The following WWOX variants were observed in gnomAD, a reference collection of about 807,000 sequenced individuals.
WWOX encodes WW domain-containing oxidoreductase.
In WWOX, 69 loss-of-function variants were observed where a neutral mutation model predicts 46.2. The ratio of observed to expected loss-of-function variants is 1.49; its 90% CI spans 1.23 to 1.82. The LOEUF is 1.82. Among genes scored for constraint, WWOX ranks in the 40% most tolerant of loss-of-function variants. The pLI, the probability that WWOX is intolerant of heterozygous loss-of-function variation, is 0.00. For missense variants in WWOX, 919 were observed against 542.6 expected (o/e 1.69, Z -6.89); for synonymous variants, 359 against 202.6 (o/e 1.77, Z -6.56).
chr16:78,865,365 A>G (rs1195881910), intron 8 of WWOX, among the ~76,000 whole-genome samples: 1 of 152,190 alleles, frequency 6.6e-6, no homozygotes, highest in Non-Finnish European at 1.5e-5. Flanking sequence ...GAAGTACGTC[A>G]GGTGAAGGGC....
At chr16:78,177,314 C>A (rs985522675) in intron 5 of WWOX, among the ~76,000 whole-genome samples, 2 of 152,108 alleles carry the variant, frequency 1.3e-5, no homozygotes, top group Admixed American at 1.3e-4. Flanking sequence ...CTATTACGTG[C>A]TAGGTGGTAG....
intron 5 of WWOX, among the ~76,000 whole-genome samples, chr16:78,308,859 C>G (rs2080181485): frequency 6.6e-6 from 1 of 152,206 alleles, no homozygotes; most frequent in Non-Finnish European, 1.5e-5. Context: ...AATTGCCAAT[C>G]AGAAGATCCT....
At chr16:78,709,980 C>T (rs1210977442) in intron 8 of WWOX, among the ~76,000 whole-genome samples, 1 of 152,164 alleles carries the variant, frequency 6.6e-6, no homozygotes, top group East Asian at 1.9e-4. Context: ...TTCCACCCTC[C>T]TTGTCCTCCC....
intron 8 of WWOX, among the ~76,000 whole-genome samples, chr16:78,704,134 ATT>A (rs887265042): frequency 1.8e-4 from 26 of 143,028 alleles, no homozygotes; most frequent in Admixed American, 1.4e-4. Flanking sequence ...GCAGGCTGTG[ATT>A]TTTTTTTTTT....
At chr16:78,342,837 G>T (rs12599225) in intron 5 of WWOX, among the ~76,000 whole-genome samples, 27,307 of 119,532 alleles carry the variant, frequency 0.23, 8,776 homozygotes, top group African/African-American at 0.38. Context: ...GGAGTAGCAG[G>T]AGAGCCACAT....
intron 5 of WWOX, chr16:78,265,900 T>G (rs1299866884): frequency 6.6e-6 from 1 of 152,208 alleles, no homozygotes; most frequent in African/African-American, 2.4e-5. Context: ...ACATCCAGTT[T>G]CATTTAATCC....
chr16:79,043,702 G>A (rs1372424936), intron 8 of WWOX, among the ~76,000 whole-genome samples: 2 of 152,204 alleles, frequency 1.3e-5, no homozygotes. Context: ...TATAGACTGG[G>A]CAGAGGAAGA....
rs143933008 is a variant in WWOX at position 78,788,257 on chromosome 16, T to C, written c.1056+355505T>C. Among the ~76,000 whole-genome samples, 6 of 152,366 alleles carry C rather than the reference T, an allele frequency of 3.9e-5. No individual in the cohort carries two copies. In the East Asian group the frequency reaches 9.6e-4, roughly 24 times the overall value. On this transcript the variant is annotated intron_variant, in intron 8 of 8. Coordinates refer to ENST00000566780, the MANE Select transcript of WWOX (RefSeq NM_016373.4). ...ATAAACATTTACTCCTGTGGTGTTA[T>C]GATATATATAGGGTTCCTGGCTCAT...
intron 8 of WWOX, among the ~76,000 whole-genome samples, chr16:78,750,190 C>G (rs935985120): frequency 1.3e-5 from 2 of 152,158 alleles, no homozygotes; most frequent in Non-Finnish European, 2.9e-5. Flanking sequence ...CAGCTGCTGC[C>G]TTATTCAAAA....
chr16:79,006,017 A>G (rs1267045447), intron 8 of WWOX, among the ~76,000 whole-genome samples: 2 of 152,046 alleles, frequency 1.3e-5, no homozygotes, highest in African/African-American at 4.8e-5. Flanking sequence ...ATTTGCGGTC[A>G]CCTCTTATGT....
chr16:78,406,769 G>A (rs1221550149), intron 6 of WWOX, among the ~76,000 whole-genome samples: 1 of 151,918 alleles, frequency 6.6e-6, no homozygotes, highest in Admixed American at 6.6e-5. Flanking sequence ...TGGGATTACA[G>A]TCGTGTGCCA....
intron 5 of WWOX, among the ~76,000 whole-genome samples, chr16:78,252,545 A>C (rs1341843604): frequency 6.6e-6 from 1 of 152,210 alleles, no homozygotes; most frequent in Non-Finnish European, 1.5e-5. Flanking sequence ...CAGATGGCAA[A>C]TGACTATGCC....
At chr16:78,790,158 A>T (rs2050557468) in intron 8 of WWOX, among the ~76,000 whole-genome samples, 1 of 151,844 alleles carries the variant, frequency 6.6e-6, no homozygotes, top group African/African-American at 2.4e-5. Context: ...TTTTTTTGGG[A>T]CAGGGTCTTG....
intron 8 of WWOX, among the ~76,000 whole-genome samples, chr16:78,827,415 C>G (rs932929768): frequency 2.6e-5 from 4 of 151,954 alleles, no homozygotes; most frequent in African/African-American, 7.3e-5. Context: ...CTCTGTGGCT[C>G]CAGGGTCAGG....
chr16:78,513,578 C>G (rs974556842), intron 8 of WWOX, among the ~76,000 whole-genome samples: 1 of 152,132 alleles, frequency 6.6e-6, no homozygotes, highest in South Asian at 2.1e-4. Context: ...AAGGAATGAT[C>G]CAGGGGAAAT....
intron 8 of WWOX, among the ~76,000 whole-genome samples, chr16:78,690,704 C>G (rs1236809759): frequency 6.6e-6 from 1 of 152,196 alleles, no homozygotes; most frequent in Non-Finnish European, 1.5e-5. Context: ...TGGGTGCTTT[C>G]CAGTCACAGC....
intron 8 of WWOX, among the ~76,000 whole-genome samples, chr16:78,589,584 C>T (rs1005764227): frequency 2.6e-5 from 4 of 152,108 alleles, no homozygotes; most frequent in Non-Finnish European, 5.9e-5. Flanking sequence ...TGCAAGGGCC[C>T]TTGGTTAAGT....
At chr16:78,336,898 C>G (rs1442859107) in intron 5 of WWOX, among the ~76,000 whole-genome samples, 1 of 152,114 alleles carries the variant, frequency 6.6e-6, no homozygotes, top group Non-Finnish European at 1.5e-5. Context: ...CCTGCCTCAG[C>G]CTCCTGAGTA....
intron 8 of WWOX, among the ~76,000 whole-genome samples, chr16:79,106,455 C>A (rs1014426425): frequency 2.0e-5 from 3 of 152,036 alleles, no homozygotes; most frequent in Non-Finnish European, 4.4e-5. Context: ...TGGGATGAAT[C>A]TGGGGACACT....
Sources: gnomAD v4.1 joint callset for allele counts (sites outside exome capture counted in the v4.1 genomes callset) on GRCh38, gnomAD v4.1.1 for gene constraint, MANE v1.5 for transcripts, NCBI Gene and HGNC (gene_info 2026-07-23, HGNC 2026-07-21) for gene names.